The following SUSD1 variants were observed in gnomAD, a reference collection of about 807,000 sequenced individuals.
SUSD1 encodes sushi domain containing 1, also known as sushi domain-containing protein 1.
SUSD1 carries 65 observed loss-of-function variants against 86.9 expected under a neutral mutation model. That is an observed-to-expected ratio of 0.75 (90% CI 0.61 to 0.92). The LOEUF is 0.92. Among genes scored for constraint, SUSD1 ranks in the 40% least tolerant of loss-of-function variants. The pLI, the probability that SUSD1 is intolerant of heterozygous loss-of-function variation, is 0.00. For synonymous variants in SUSD1, 346 were observed against 350.0 expected (o/e 0.99, Z 0.13); for missense variants, 850 against 929.7 (o/e 0.91, Z 1.11).
At chr9:112,165,200 T>TG (rs1233774077) in intron 1 of SUSD1, among the ~76,000 whole-genome samples, 1 of 152,210 alleles carries the variant, frequency 6.6e-6, no homozygotes, top group African/African-American at 2.4e-5. Flanking sequence ...TTTATATTTA[T>TG]GGGGTACCTG....
At chr9:112,092,963 T>C (rs1489799303) in intron 10 of SUSD1, among the ~76,000 whole-genome samples, 4 of 152,188 alleles carry the variant, frequency 2.6e-5, no homozygotes, top group Non-Finnish European at 4.4e-5. Flanking sequence ...AAAATAGTGA[T>C]GGTAAATTAA....
chr9:112,141,384 T>C (rs1199944486), intron 5 of SUSD1, among the ~76,000 whole-genome samples: 1 of 152,164 alleles, frequency 6.6e-6, no homozygotes, highest in Non-Finnish European at 1.5e-5. Flanking sequence ...TGATTAGATA[T>C]GCCAAATATC....
chr9:112,065,622 G>T (rs1050343464), intron 12 of SUSD1, among the ~76,000 whole-genome samples: 1 of 152,190 alleles, frequency 6.6e-6, no homozygotes, highest in Admixed American at 6.5e-5. Context: ...AGAGTTAGAG[G>T]TCTACCCAGT....
At chr9:112,109,075 T>C (rs369975468) in intron 8 of SUSD1, among the ~76,000 whole-genome samples, 2 of 152,238 alleles carry the variant, frequency 1.3e-5, no homozygotes, top group South Asian at 4.1e-4. Flanking sequence ...ATTCTGCCAA[T>C]ATGTGTAGTA....
At chr9:112,102,349 A>G (rs1199567148) in intron 8 of SUSD1, 64 bp from the exon 9 acceptor site, 3 of 780,118 alleles carry the variant, frequency 3.8e-6, no homozygotes. Context: ...ATCATGGCTG[A>G]GTACAAGTGA....
intron 8 of SUSD1, among the ~76,000 whole-genome samples, chr9:112,106,279 T>C (rs1176667193): frequency 2.0e-5 from 3 of 152,150 alleles, no homozygotes; most frequent in African/African-American, 7.2e-5. Context: ...GGCCAGGATT[T>C]TTTTTTTAAA....
rs553662844 is a variant in SUSD1 at position 112,094,325 on chromosome 9, G to A, written c.1474+4145C>T. Among the ~76,000 whole-genome samples, 8 of 152,232 alleles carry A rather than the reference G, an allele frequency of 5.3e-5. 1 individual carries two copies. In the South Asian group the frequency reaches 1.7e-3, roughly 32 times the overall value. On this transcript the variant is annotated intron_variant, in intron 10 of 16. Coordinates refer to ENST00000374270, the MANE Select transcript of SUSD1 (RefSeq NM_022486.5). The stretch of plus-strand genomic sequence containing the variant: ...TTATATTGTTTGGAATTTCATCCAG[G>A]GCTAAGGAGAGAACTGTAGAAAGAC...
At chr9:112,049,974 C>G (rs957048592) in intron 15 of SUSD1, among the ~76,000 whole-genome samples, 3 of 152,184 alleles carry the variant, frequency 2.0e-5, no homozygotes, top group Non-Finnish European at 4.4e-5. Context: ...CTGCAGCCAG[C>G]TCTTTGGCGA....
chr9:112,141,433 G>C (rs775421557), intron 5 of SUSD1, among the ~76,000 whole-genome samples: 1 of 152,050 alleles, frequency 6.6e-6, no homozygotes, highest in Non-Finnish European at 1.5e-5. Context: ...TCCCAGCACT[G>C]TGGGAGGCCA....
intron 1 of SUSD1, chr9:112,173,920 T>C (rs1834156110): frequency 7.7e-6 from 2 of 259,420 alleles, no homozygotes; most frequent in Admixed American, 4.6e-5. Flanking sequence ...ATGCCGTTTC[T>C]GTGCCATTTT....
chr9:112,175,050 G>T lies in SUSD1; in HGVS notation c.103+83C>A. 2.1e-6 allele frequency: 2 copies of T among 966,552 alleles called. No homozygotes were observed. Among genetic ancestry groups the T allele is most frequent in the South Asian group, 4.8e-5 (1 of 20,946 alleles). 59.9% of individuals were successfully genotyped at this position (966,552 alleles called of 1,614,324 possible). A position where few individuals can be genotyped will look rare whatever the true frequency, so the allele number is the denominator to read the frequency against. On this transcript the variant is annotated intron_variant, in intron 1 of 16. Coordinates refer to ENST00000374270, the MANE Select transcript of SUSD1 (RefSeq NM_022486.5). This position sits in a 1 kb window ranked among gnomAD's most constrained non-coding sequence, Gnocchi z 4.7. ...ACCGCGCCGGCCCGGCCCAGGGGCG[G>T]GGAAGCGTCCGTGCGCCCAGAGTCC...
intron 5 of SUSD1, among the ~76,000 whole-genome samples, chr9:112,138,463 C>CT (rs1320715477): frequency 0.026 from 3,653 of 139,168 alleles, 174 homozygotes; most frequent in African/African-American, 0.089. Flanking sequence ...AATAAATATT[C>CT]TTTTTTTTTT....
chr9:112,137,184 T>G (rs1342609368), intron 5 of SUSD1, among the ~76,000 whole-genome samples: 2 of 152,106 alleles, frequency 1.3e-5, no homozygotes, highest in African/African-American at 4.8e-5. Context: ...CAGGCTTTGC[T>G]ATTAATGGAC....
intron 12 of SUSD1, among the ~76,000 whole-genome samples, chr9:112,066,591 T>C (rs1366550094): frequency 2.0e-5 from 3 of 152,280 alleles, no homozygotes; most frequent in East Asian, 3.9e-4. Flanking sequence ...GCTGCAACCC[T>C]GTAATCGCGA....
chr9:112,138,281 G>GTGTATATACATATATATAT (rs1491304710), intron 5 of SUSD1, among the ~76,000 whole-genome samples: 34 of 47,224 alleles, frequency 7.2e-4, no homozygotes, highest in Non-Finnish European at 1.1e-3. Flanking sequence ...ATATATATAT[G>GTGTATATACATATATATAT]AAGTCCAGGA....
chr9:112,057,269 G>A (rs1227223297), intron 14 of SUSD1, among the ~76,000 whole-genome samples: 3 of 152,166 alleles, frequency 2.0e-5, no homozygotes, highest in Admixed American at 6.5e-5. Context: ...AGAAATAAAT[G>A]TCTGTTGCCT....
At position 112,113,382 on chromosome 9, in the gene SUSD1, G is replaced by T. The variant is rs951462172; in HGVS notation, c.887-514C>A. The stretch of plus-strand genomic sequence containing the variant: ...GCAAACTAAAGAAATTCTCCACAAG[G>T]TTCCTAGGTACTTCTGGGACTCCTG... On this transcript the variant is annotated intron_variant, in intron 6 of 16. Transcript: ENST00000374270. The surrounding 1 kb of genome is among the most constrained non-coding windows in gnomAD (Gnocchi z 4.1). 4.6e-5 allele frequency among the ~76,000 whole-genome samples: 7 copies of T among 152,166 alleles called. No individual in the cohort carries two copies. Among genetic ancestry groups the T allele is most frequent in the Middle Eastern group, 3.2e-3 (1 of 316 alleles).
intron 6 of SUSD1, among the ~76,000 whole-genome samples, chr9:112,122,572 G>T (rs1158460253): frequency 6.6e-6 from 1 of 152,146 alleles, no homozygotes; most frequent in African/African-American, 2.4e-5. Context: ...GAGATTACAG[G>T]TATGAGCCAT....
chr9:112,165,972 A>T (rs1313107805), intron 1 of SUSD1, among the ~76,000 whole-genome samples: 1 of 151,652 alleles, frequency 6.6e-6, no homozygotes, highest in African/African-American at 2.4e-5. Flanking sequence ...AAAGAAAGAA[A>T]GAAAGAAAGA....
Sources: gnomAD v4.1 joint callset for allele counts (sites outside exome capture counted in the v4.1 genomes callset) on GRCh38, gnomAD v4.1.1 for gene constraint, Gnocchi (gnomAD v3.1) non-coding constraint, MANE v1.5 for transcripts, NCBI Gene and HGNC (gene_info 2026-07-23, HGNC 2026-07-21) for gene names.